The following ATP2B2 variants were observed in gnomAD, a reference collection of about 807,000 sequenced individuals.
ATP2B2 encodes the protein plasma membrane calcium-transporting ATPase 2.
In ATP2B2, 15 loss-of-function variants were observed where a neutral mutation model predicts 120.0. The observed-to-expected ratio is 0.12, with a 90% CI of 0.08 to 0.19. The LOEUF (loss-of-function observed/expected upper bound fraction) is 0.19. ATP2B2 is among the 10% of genes least tolerant of loss of function. ATP2B2 has a pLI of 1.00. For synonymous variants in ATP2B2, 694 were observed against 700.3 expected (o/e 0.99, Z 0.14); for missense variants, 1,045 against 1,719.8 (o/e 0.61, Z 6.94).
intron 1 of ATP2B2, among the ~76,000 whole-genome samples, chr3:10,469,553 G>A (rs1473626402): frequency 6.6e-6 from 1 of 152,228 alleles, no homozygotes; most frequent in East Asian, 1.9e-4. Context: ...GGCCCCCTGA[G>A]GGGGTCAGGG....
chr3:10,486,769 G>A (rs1462335474), intron 1 of ATP2B2, among the ~76,000 whole-genome samples: 1 of 152,160 alleles, frequency 6.6e-6, no homozygotes, highest in South Asian at 2.1e-4. Context: ...GCCCAGGCTG[G>A]AGTGCAGTGG....
At chr3:10,498,635 G>C (rs1443207501) in intron 1 of ATP2B2, among the ~76,000 whole-genome samples, 2 of 152,232 alleles carry the variant, frequency 1.3e-5, no homozygotes, top group African/African-American at 4.8e-5. Context: ...TGGCCCGGTA[G>C]AGTAGCCCAG....
chr3:10,513,826 G>A (rs1399675981), intron 3 of ATP2B2, among the ~76,000 whole-genome samples: 1 of 152,138 alleles, frequency 6.6e-6, no homozygotes, highest in East Asian at 1.9e-4. Context: ...TCAATCCAGT[G>A]CTCCCTCCAG....
chr3:10,629,912 C>G (rs185885444), intron 1 of ATP2B2, among the ~76,000 whole-genome samples: 124 of 152,338 alleles, frequency 8.1e-4, no homozygotes, highest in Non-Finnish European at 1.4e-3. Context: ...AAGGGCTGAG[C>G]CTCTTAGTGT....
At chr3:10,543,955 T>A (rs748422235) in intron 2 of ATP2B2, among the ~76,000 whole-genome samples, 7 of 152,124 alleles carry the variant, frequency 4.6e-5, no homozygotes, top group South Asian at 4.2e-4. Flanking sequence ...GCCAGGCTGG[T>A]CTCCAACTTC....
At chr3:10,335,400 T>A (rs955101387) in intron 22 of ATP2B2, among the ~76,000 whole-genome samples, 1 of 151,244 alleles carries the variant, frequency 6.6e-6, no homozygotes, top group Non-Finnish European at 1.5e-5. Context: ...AGGGGAGGAG[T>A]GACAGGAAGC....
intron 2 of ATP2B2, among the ~76,000 whole-genome samples, chr3:10,580,994 G>C (rs1188680949): frequency 6.6e-6 from 1 of 152,238 alleles, no homozygotes; most frequent in African/African-American, 2.4e-5. Context: ...CATAGATTAA[G>C]TACAGGCTAT....
chr3:10,577,055 A>C (rs1316935073), intron 2 of ATP2B2, among the ~76,000 whole-genome samples: 1 of 42,892 alleles, frequency 2.3e-5, no homozygotes, highest in African/African-American at 7.0e-5. Context: ...CTGTGTCAAA[A>C]AAAAAAAAAA....
chr3:10,616,877 C>T (rs2069403916), intron 2 of ATP2B2, among the ~76,000 whole-genome samples: 1 of 152,202 alleles, frequency 6.6e-6, no homozygotes, highest in Non-Finnish European at 1.5e-5. Flanking sequence ...CTTTCTCTCT[C>T]TCCCCACTTC....
At chr3:10,486,585 C>A (rs1403790021) in intron 1 of ATP2B2, among the ~76,000 whole-genome samples, 1 of 152,132 alleles carries the variant, frequency 6.6e-6, no homozygotes, top group African/African-American at 2.4e-5. Flanking sequence ...TGGGACTGCT[C>A]TTCCCCAGAT....
At chr3:10,542,386 A>G (rs1333344940) in intron 2 of ATP2B2, among the ~76,000 whole-genome samples, 1 of 152,224 alleles carries the variant, frequency 6.6e-6, no homozygotes, top group African/African-American at 2.4e-5. Context: ...TAGAAAACTC[A>G]AGAAGAGAAG....
At chr3:10,642,269 A>G (rs1458435273) in intron 1 of ATP2B2, among the ~76,000 whole-genome samples, 1 of 152,240 alleles carries the variant, frequency 6.6e-6, no homozygotes, top group African/African-American at 2.4e-5. Context: ...CAGTCTATTC[A>G]TGTACAGCAC....
chr3:10,500,127 G>T (rs376687264), intron 1 of ATP2B2, among the ~76,000 whole-genome samples: 1 of 151,888 alleles, frequency 6.6e-6, no homozygotes, highest in East Asian at 2.0e-4. Context: ...TAGTAGAAAC[G>T]GGGTTTTGCC....
intron 6 of ATP2B2, 116 bp from the exon 7 acceptor site, chr3:10,386,628 G>C: frequency 1.7e-6 from 2 of 1,148,492 alleles, no homozygotes; most frequent in Non-Finnish European, 2.6e-6. Flanking sequence ...CATACACCTA[G>C]GGTCATCCTG....
chr3:10,498,994 T>C (rs1335398006), intron 1 of ATP2B2, among the ~76,000 whole-genome samples: 1 of 152,180 alleles, frequency 6.6e-6, no homozygotes, highest in African/African-American at 2.4e-5. Context: ...GGCACAATCT[T>C]GTGAGGCAGG....
intron 1 of ATP2B2, among the ~76,000 whole-genome samples, chr3:10,638,703 T>C (rs955195412): frequency 6.6e-6 from 1 of 152,226 alleles, no homozygotes; most frequent in African/African-American, 2.4e-5. Flanking sequence ...TACAACTCTA[T>C]GTTGTCTATA....
intron 3 of ATP2B2, among the ~76,000 whole-genome samples, chr3:10,409,704 G>A (rs993695530): frequency 3.9e-5 from 6 of 152,114 alleles, no homozygotes; most frequent in Non-Finnish European, 5.9e-5. Context: ...CTTGGGAGGG[G>A]GCAGGACAAC....
intron 2 of ATP2B2, among the ~76,000 whole-genome samples, chr3:10,613,755 G>A (rs2069305250): frequency 6.6e-6 from 1 of 151,890 alleles, no homozygotes; most frequent in African/African-American, 2.4e-5. Context: ...CCCTGCAGCA[G>A]ACTCTCCAAA....
At chr3:10,366,997 C>T (rs543665710) in intron 12 of ATP2B2, among the ~76,000 whole-genome samples, 3 of 152,342 alleles carry the variant, frequency 2.0e-5, no homozygotes, top group East Asian at 3.9e-4. Context: ...CAGGGTGGGG[C>T]TGGGCCCCTG....
Sources: gnomAD v4.1 joint callset for allele counts (sites outside exome capture counted in the v4.1 genomes callset) on GRCh38, gnomAD v4.1.1 for gene constraint, MANE v1.5 for transcripts, NCBI Gene and HGNC (gene_info 2026-07-23, HGNC 2026-07-21) for gene names.